CHP2: variants seen among roughly 807,000 people sequenced by gnomAD.
CHP2 encodes calcineurin B homologous protein 2.
CHP2 carries 31 observed loss-of-function variants against 24.7 expected under a neutral mutation model. The ratio of observed to expected loss-of-function variants is 1.26; its 90% CI spans 0.94 to 1.69. CHP2 has a LOEUF of 1.69. Among genes scored for constraint, CHP2 ranks in the 40% most tolerant of loss-of-function variants. The pLI, the probability that CHP2 is intolerant of heterozygous loss-of-function variation, is 0.00. For missense variants in CHP2, 319 were observed against 261.5 expected (o/e 1.22, Z -1.52); for synonymous variants, 97 against 99.1 (o/e 0.98, Z 0.13).
chr16:23,755,363 AC>A (rs961601947), intron 1 of CHP2: 16 of 596,034 alleles, frequency 2.7e-5, no homozygotes, highest in African/African-American at 2.0e-4. Context: ...GAATCCAGGC[AC>A]CCAGGTGTCC....
rs1410960996 is a variant in CHP2, at chr16:23,755,942, G to T, written c.221+15G>T. On this transcript the variant is annotated intron_variant, in intron 3 of 6. Coordinates refer to ENST00000300113, the MANE Select transcript of CHP2 (RefSeq NM_022097.4). ...TTCCCCGATGGGTGAGGCTTGCTGG[G>T]CGTGGGGAGGTGAAGGCGGGAAAAC... 23 of 1,614,152 alleles carry T rather than the reference G, an allele frequency of 1.4e-5. No individual in the cohort carries two copies. Among genetic ancestry groups the T allele is most frequent in the Non-Finnish European group, 1.8e-5 (21 of 1,180,000 alleles).
Position 23,757,728 on chromosome 16 carries a change from G to A in CHP2, c.*145G>A. ...TAGGGCCAAGAGAAGAAAGCTGGAAGGATGTGTACTAAAGTCTAGCTCAGC... is the reference window on the plus strand; with the variant it reads ...TAGGGCCAAGAGAAGAAAGCTGGAAAGATGTGTACTAAAGTCTAGCTCAGC... On this transcript the variant is annotated 3_prime_UTR_variant, in exon 7 of 7. Coordinates refer to ENST00000300113, the MANE Select transcript of CHP2 (RefSeq NM_022097.4). 1 of 785,772 alleles carries A rather than the reference G, an allele frequency of 1.3e-6. No individual in the cohort carries two copies. Among genetic ancestry groups the A allele is most frequent in the Non-Finnish European group, 2.2e-6 (1 of 450,180 alleles). The allele number at this position is 785,772 out of a possible 1,614,324, so 48.7% of individuals were successfully genotyped here.
At chr16:23,755,589 G>A (rs1961209623) in intron 1 of CHP2, 72 bp from the exon 2 acceptor site, 2 of 1,325,746 alleles carry the variant, frequency 1.5e-6, no homozygotes, top group Non-Finnish European at 1.1e-6. Flanking sequence ...CCATCTTCCT[G>A]GCCTGTTGGG....
chr16:23,755,888 C>T lies in CHP2; in HGVS notation c.182C>T (p.Pro61Leu). Residue 61 changes from proline to leucine, a missense_variant, in exon 3 of 7, where the codon CCC becomes CTC. Transcript: ENST00000300113. ...CAGATAGGGGCGCTCGCCGTGAACC[C>T]CCTGGGAGACCGAATTATAGAAAGC... ...LQQIGALAVN[P>L]LGDRIIESFF... is the part of the protein sequence containing the mutation. The T allele has an allele frequency of 1.2e-6, 2 of 1,614,190 alleles. No homozygotes were observed. Among genetic ancestry groups the T allele is most frequent in the African/African-American group, 2.7e-5 (2 of 75,044 alleles).
intron 5 of CHP2, 37 bp from the exon 6 acceptor site, chr16:23,757,164 C>A (rs1186965485): frequency 1.2e-6 from 2 of 1,613,144 alleles, no homozygotes. Flanking sequence ...AGCCTTCGTG[C>A]CCCCTCCTTA....
chr16:23,757,181 C>T lies in CHP2; in HGVS notation c.415-20C>T. On this transcript the variant is annotated intron_variant, in intron 5 of 6. Transcript: ENST00000300113. ...CCTTCGTGCCCCCTCCTTATGGCTG[C>T]CTCTTCACTCATCTCTCAGGTTCTC... 2 of 1,613,580 alleles carry T rather than the reference C, an allele frequency of 1.2e-6. No individual in the cohort carries two copies. Among genetic ancestry groups the T allele is most frequent in the Non-Finnish European group, 8.5e-7 (1 of 1,179,908 alleles).
At position 23,755,112 on chromosome 16, in the gene CHP2, C is replaced by T. The variant is rs1249056895; in HGVS notation, c.63C>T (p.Thr21=). 5 of 1,599,618 alleles carry T rather than the reference C, an allele frequency of 3.1e-6. No individual in the cohort carries two copies. Among genetic ancestry groups the T allele is most frequent in the Admixed American group, 1.7e-5 (1 of 59,170 alleles). ...IPDGDSIRRE[T]GFSQASLLRL... is the part of the protein sequence containing the mutation. Reference sequence around the variant, plus strand: ...ACGGGGACAGTATTCGGCGAGAGACCGGCTGTGAGTGCGCCCGCGTCGGCG... The same window carrying T: ...ACGGGGACAGTATTCGGCGAGAGACTGGCTGTGAGTGCGCCCGCGTCGGCG... Residue 21 remains threonine (T), a synonymous_variant, in exon 1 of 7, where the codon ACC becomes ACT. Transcript: ENST00000300113.
Position 23,757,551 on chromosome 16 carries a change from G to A in CHP2, c.559G>A (p.Glu187Lys), listed in dbSNP as rs1961244079. The change falls in exon 7 of 7, where the codon GAG becomes AAG. Residue 187 changes from glutamate (E) to lysine (K), a missense_variant. By Grantham distance (56) the Glu-to-Lys change is moderately conservative (BLOSUM62 1). Transcript: ENST00000300113. ...TCAGTCCTTAGAGAAGATGGACGTT[G>A]AGCAAAAAATGAGCATCCGGATCCT... ...FTKSLEKMDV[E>K]QKMSIRILK 1 of 1,613,876 alleles carries A rather than the reference G, an allele frequency of 6.2e-7. No homozygotes were observed. The highest frequency in any genetic ancestry group is 1.3e-5 in the African/African-American group (1 of 74,850).
At chr16:23,757,499 GC>G in intron 6 of CHP2, 30 bp from the exon 7 acceptor site, 3 of 1,611,328 alleles carry the variant, frequency 1.9e-6, no homozygotes, top group Non-Finnish European at 2.5e-6. Flanking sequence ...TGAGAGTCAA[GC>G]CTCTTGCCTG....
intron 5 of CHP2, among the ~76,000 whole-genome samples, chr16:23,756,913 T>A (rs1961233135): frequency 6.6e-6 from 1 of 152,040 alleles, no homozygotes; most frequent in African/African-American, 2.4e-5. Flanking sequence ...TTAGAAACCC[T>A]TAGTGGCTAA....
rs768391876 is a variant in CHP2 at position 23,757,257 on chromosome 16, T to G, written c.471T>G (p.Ala157=). The G allele has an allele frequency of 6.2e-7, 1 of 1,614,088 alleles. No homozygotes were observed. Among genetic ancestry groups the G allele is most frequent in the Non-Finnish European group, 8.5e-7 (1 of 1,180,006 alleles). The part of the protein sequence containing the change: ...QVTEEQLENI[A]DRTVQEADED... ...CAGAAGAGCAGCTGGAGAACATCGCTGACCGCACGGTGCAGGAGGCTGATG... is the reference window on the plus strand; with the variant it reads ...CAGAAGAGCAGCTGGAGAACATCGCGGACCGCACGGTGCAGGAGGCTGATG... The change falls in exon 6 of 7, where the codon GCT becomes GCG. Residue 157 remains alanine, a synonymous_variant. Coordinates refer to ENST00000300113, the MANE Select transcript of CHP2 (RefSeq NM_022097.4).
At chr16:23,757,389 C>T (rs109592) in intron 6 of CHP2, 66 bp downstream of exon 6, 350,085 of 1,590,132 alleles carry the variant, frequency 0.22, 39,548 homozygotes, top group South Asian at 0.27. Flanking sequence ...ACTTGGGAAA[C>T]GTTCAACGGA....
Position 23,755,555 on chromosome 16 carries a change from C to A in CHP2, c.68-106C>A. The A allele has an allele frequency of 8.2e-6, 8 of 980,126 alleles. 1 individual carries two copies. The South Asian group carries it at 9.3e-5, about 11-fold the overall frequency. 60.7% of individuals were successfully genotyped at this position (980,126 alleles called of 1,614,324 possible). The stretch of plus-strand genomic sequence containing the variant: ...TGATTCCCCGGGATGATCGCCCCTT[C>A]CAGCCAGCCCCCGCTGTTCTGGCCC... On this transcript the variant is annotated intron_variant, in intron 1 of 6. Transcript: ENST00000300113.
chr16:23,757,156 C>T (rs1961236437), intron 5 of CHP2, 45 bp from the exon 6 acceptor site: 13 of 1,612,660 alleles, frequency 8.1e-6, no homozygotes, highest in Non-Finnish European at 1.0e-5. Flanking sequence ...GGAGTTGCAG[C>T]CTTCGTGCCC....
chr16:23,755,707 G>C lies in CHP2; in HGVS notation c.114G>C (p.Leu38=). 1 of 1,614,172 alleles carries C rather than the reference G, an allele frequency of 6.2e-7. No homozygotes were observed. Among genetic ancestry groups the C allele is most frequent in the Non-Finnish European group, 8.5e-7 (1 of 1,180,042 alleles). Reference sequence around the variant, plus strand: ...GCCTGCACCACCGGTTCCGGGCACTGGACAGGAATAAGAAGGGCTACCTGA... The same window carrying C: ...GCCTGCACCACCGGTTCCGGGCACTCGACAGGAATAAGAAGGGCTACCTGA... ...LLRLHHRFRA[L]DRNKKGYLSR... is the part of the protein sequence containing the mutation. The change falls in exon 2 of 7, where the codon CTG becomes CTC. Residue 38 remains leucine (L), a synonymous_variant. Transcript: ENST00000300113.
rs1015481208 is a variant in CHP2 at position 23,757,034 on chromosome 16, T to C, written c.415-167T>C. Among the ~76,000 whole-genome samples the C allele has an allele frequency of 9.2e-5, 13 of 141,078 alleles. 1 individual carries two copies. The highest frequency in any genetic ancestry group is 8.6e-4 in the Admixed American group (12 of 13,898). 92.6% of individuals were successfully genotyped at this position (141,078 alleles called of 152,430 possible). A position where few individuals can be genotyped will look rare whatever the true frequency, so the allele number is the denominator to read the frequency against. ...TGGTGAGGGAGAGATAGGAGATTGG[T>C]TGTTGAAGCAGTAGGGAAAATTATT... On this transcript the variant is annotated intron_variant, in intron 5 of 6. Transcript: ENST00000300113.
chr16:23,756,247 A>T, intron 4 of CHP2, 54 bp downstream of exon 4: 1 of 1,609,056 alleles, frequency 6.2e-7, no homozygotes, highest in Non-Finnish European at 8.5e-7. Context: ...CACACCAGGG[A>T]CAGGCTCCAG....
At position 23,755,068 on chromosome 16, in the gene CHP2, C is replaced by A. The variant is rs748871642; in HGVS notation, c.19C>A (p.His7Asn). 1.9e-6 allele frequency: 3 copies of A among 1,598,518 alleles called. No homozygotes were observed. Among genetic ancestry groups the A allele is most frequent in the Non-Finnish European group, 2.6e-6 (3 of 1,175,606 alleles). MGSRSS[H>N]AAVIPDGDSI... ...CTCGGCCATGGGGTCGCGCAGCTCC[C>A]ACGCCGCGGTCATTCCCGACGGGGA... The change falls in exon 1 of 7, where the codon CAC becomes AAC. Residue 7 changes from histidine (H) to asparagine (N), a missense_variant. By Grantham distance (68) the His-to-Asn change is moderately conservative. Transcript: ENST00000300113.
chr16:23,755,500 C>T (rs2141043678), intron 1 of CHP2, 161 bp from the exon 2 acceptor site: 1 of 655,608 alleles, frequency 1.5e-6, no homozygotes, highest in Non-Finnish European at 2.7e-6. Flanking sequence ...GGTCGTGTCA[C>T]TCTCCCTCCG....
Sources: allele counts gnomAD v4.1 joint callset (sites outside exome capture counted in the v4.1 genomes callset), GRCh38; gene constraint gnomAD v4.1.1; transcripts MANE v1.5; gene names NCBI Gene and HGNC (gene_info 2026-07-23, HGNC 2026-07-21).